EFHC2: variants seen among roughly 807,000 people sequenced by gnomAD.
EFHC2 encodes EF-hand domain-containing family member C2.
A neutral mutation model predicts 52.7 loss-of-function variants in EFHC2; 18 were observed. The observed-to-expected ratio is 0.34, with a 90% CI of 0.24 to 0.51. The LOEUF (loss-of-function observed/expected upper bound fraction) is 0.51. Ranked by LOEUF, EFHC2 falls within the 20% of genes least tolerant of loss-of-function variation. The pLI, the probability that EFHC2 is intolerant of heterozygous loss-of-function variation, is 0.97. For missense variants in EFHC2, 513 were observed against 562.5 expected (o/e 0.91, Z 0.89); for synonymous variants, 203 against 204.1 (o/e 0.99, Z 0.04).
chrX:44,261,352 G>T, intron 3 of EFHC2, 54 bp from the exon 4 acceptor site: 2 of 1,016,091 alleles, frequency 2.0e-6, no homozygotes, highest in Non-Finnish European at 2.7e-6. Context: ...CAAGTAAGAA[G>T]ATACAGCACA....
intron 4 of EFHC2, among the ~76,000 whole-genome samples, chrX:44,251,157 T>C (rs1422752184): frequency 1.1e-5 from 1 of 95,115 alleles, no homozygotes; most frequent in African/African-American, 4.1e-5. Context: ...GAGAATGGTG[T>C]GAACCCAGTA....
chrX:44,294,740 A>C (rs1359513320), intron 2 of EFHC2, among the ~76,000 whole-genome samples: 1 of 111,896 alleles, frequency 8.9e-6, no homozygotes. Flanking sequence ...CTATATGCAA[A>C]TAACTGCAAA....
At chrX:44,265,462 C>G (rs1054029613) in intron 3 of EFHC2, among the ~76,000 whole-genome samples, 16 of 110,958 alleles carry the variant, frequency 1.4e-4, no homozygotes, top group African/African-American at 5.2e-4. Context: ...GTAGAGACAG[C>G]CTTGCTTTGT....
Position 44,161,651 on chromosome X carries a change from G to A in EFHC2, c.2148+2271C>T, listed in dbSNP as rs915107809. ...ACTGGCCTGGGCAGGGTCAGAGCAC[G>A]GTAGAGGGCTCTGGAGAGCAGTGCT... is the stretch of plus-strand genomic sequence containing the variant. On this transcript the variant is annotated intron_variant, in intron 14 of 14. Transcript: ENST00000420999. Among the ~76,000 whole-genome samples, 4 of 111,900 alleles carry A rather than the reference G, an allele frequency of 3.6e-5. No individual in the cohort carries two copies. In the East Asian group the frequency reaches 1.1e-3, roughly 31 times the overall value.
intron 2 of EFHC2, among the ~76,000 whole-genome samples, chrX:44,295,422 C>T (rs1329987764): frequency 9.0e-6 from 1 of 111,466 alleles, no homozygotes; most frequent in Non-Finnish European, 1.9e-5. Flanking sequence ...TGGGGTACTG[C>T]AAGTCATTTT....
intron 13 of EFHC2, among the ~76,000 whole-genome samples, chrX:44,168,698 G>C (rs754214731): frequency 9.0e-6 from 1 of 110,677 alleles, no homozygotes; most frequent in Non-Finnish European, 1.9e-5. Flanking sequence ...GGTGAGGGGC[G>C]GTCAGGTGCC....
intron 4 of EFHC2, among the ~76,000 whole-genome samples, chrX:44,256,691 A>G (rs754191701): frequency 5.4e-5 from 6 of 111,444 alleles, no homozygotes; most frequent in Non-Finnish European, 1.1e-4. Flanking sequence ...ATTCACAGCC[A>G]AATTCTACCA....
At chrX:44,312,989 T>C in intron 1 of EFHC2, among the ~76,000 whole-genome samples, 1 of 109,980 alleles carries the variant, frequency 9.1e-6, no homozygotes, top group Non-Finnish European at 1.9e-5. Context: ...AACCTAATGT[T>C]CCATGCTATA....
intron 13 of EFHC2, among the ~76,000 whole-genome samples, chrX:44,167,541 T>G (rs747011055): frequency 7.1e-5 from 8 of 112,589 alleles, no homozygotes; most frequent in Admixed American, 3.8e-4. Flanking sequence ...AAGAAGAATA[T>G]TTAGGAATCA....
At chrX:44,196,645 C>T (rs1361721336) in intron 11 of EFHC2, among the ~76,000 whole-genome samples, 5 of 112,037 alleles carry the variant, frequency 4.5e-5, no homozygotes, top group African/African-American at 1.6e-4. Context: ...TTAATCACAG[C>T]CAAGATCTCA....
At chrX:44,221,434 G>A (rs5905780) in intron 11 of EFHC2, among the ~76,000 whole-genome samples, 3 of 111,549 alleles carry the variant, frequency 2.7e-5, no homozygotes, top group Admixed American at 9.5e-5. Flanking sequence ...ATACTTATAC[G>A]AAAGTTCATA....
At chrX:44,288,526 A>T (rs2037770043) in intron 2 of EFHC2, among the ~76,000 whole-genome samples, 1 of 111,030 alleles carries the variant, frequency 9.0e-6, no homozygotes, top group Non-Finnish European at 1.9e-5. Flanking sequence ...TAATATTTCC[A>T]TATATTGGCC....
At chrX:44,224,432 T>A (rs763101571) in intron 11 of EFHC2, among the ~76,000 whole-genome samples, 142 of 112,308 alleles carry the variant, frequency 1.3e-3, no homozygotes, top group African/African-American at 4.2e-3. Context: ...CCAAGGCCAC[T>A]AAGCTGGTAA....
At position 44,148,237 on chromosome X, in the gene EFHC2, G is replaced by C. The variant is rs2036538114; in HGVS notation, c.*558C>G. 9.0e-6 allele frequency: 1 copy of C among 110,691 alleles called. No individual in the cohort carries two copies. 9.1% of individuals were successfully genotyped at this position (110,691 alleles called of 1,213,427 possible). ...CCAGTGTGTGTGCACGTGCGTGTGT[G>C]TGTGTGTGTGTGTGTGTGTTGGAGG... On this transcript the variant is annotated 3_prime_UTR_variant, in exon 15 of 15. Coordinates refer to ENST00000420999, the MANE Select transcript of EFHC2 (RefSeq NM_025184.4).
intron 11 of EFHC2, among the ~76,000 whole-genome samples, chrX:44,196,129 T>C (rs765683307): frequency 8.9e-6 from 1 of 111,785 alleles, no homozygotes; most frequent in South Asian, 3.8e-4. Context: ...GTTGCCCAGG[T>C]TGGTCAGAAA....
At chrX:44,203,806 G>A (rs897537901) in intron 11 of EFHC2, among the ~76,000 whole-genome samples, 1 of 110,684 alleles carries the variant, frequency 9.0e-6, no homozygotes, top group Non-Finnish European at 1.9e-5. Context: ...AACCAGGCTG[G>A]CTTTGAACTC....
At chrX:44,343,079 G>A (rs767270241) in intron 1 of EFHC2, among the ~76,000 whole-genome samples, 34 of 110,433 alleles carry the variant, frequency 3.1e-4, no homozygotes, top group African/African-American at 1.0e-3. Context: ...ACAGGATACT[G>A]GGGATAATGA....
rs184597011 is a variant in EFHC2 at position 44,189,975 on chromosome X, G to A, written c.1752-11411C>T. On this transcript the variant is annotated intron_variant, in intron 11 of 14. Transcript: ENST00000420999. The stretch of plus-strand genomic sequence containing the variant: ...AAGTCTGAAATATCCATTGTGGAGA[G>A]TGGAAACAGGTACAACTAGGCCTTG... 5.8e-3 allele frequency among the ~76,000 whole-genome samples: 652 copies of A among 111,596 alleles called. 4 individuals carry two copies. The highest frequency in any genetic ancestry group is 0.02 in the African/African-American group (628 of 30,740).
At chrX:44,236,682 TC>T (rs1421056597) in intron 8 of EFHC2, among the ~76,000 whole-genome samples, 1 of 111,921 alleles carries the variant, frequency 8.9e-6, no homozygotes, top group East Asian at 2.8e-4. Flanking sequence ...TTTGGAAGGC[TC>T]ACCCCAGAAC....
Sources: gnomAD v4.1 joint callset for allele counts (sites outside exome capture counted in the v4.1 genomes callset) on GRCh38, gnomAD v4.1.1 for gene constraint, MANE v1.5 for transcripts, NCBI Gene and HGNC (gene_info 2026-07-23, HGNC 2026-07-21) for gene names.